The following AGBL1 variants were observed in gnomAD, a reference collection of about 807,000 sequenced individuals.
AGBL1 encodes the protein cytosolic carboxypeptidase 4.
AGBL1 carries 130 observed loss-of-function variants against 118.9 expected under a neutral mutation model. That is an observed-to-expected ratio of 1.09 (90% CI 0.95 to 1.26). The LOEUF (loss-of-function observed/expected upper bound fraction) is 1.26, where lower values mean the gene tolerates loss of function less well. AGBL1 is among the 50% of genes most tolerant of loss of function. The probability of loss-of-function intolerance (pLI) is 0.00; values close to 1 mark genes in which losing one functional copy is unlikely to be tolerated. For missense variants in AGBL1, 1,584 were observed against 1,298.1 expected, an observed-to-expected ratio of 1.22 and a Z score of -3.38; for synonymous variants, 555 against 478.9, an observed-to-expected ratio of 1.16 and a Z score of -2.08.
intron 21 of AGBL1, among the ~76,000 whole-genome samples, chr15:86,560,793 C>T (rs997594013): frequency 2.0e-5 from 3 of 152,212 alleles, no homozygotes; most frequent in South Asian, 4.1e-4. Context: ...ACATCCTCTC[C>T]AGCACCTGTT....
intron 2 of AGBL1, among the ~76,000 whole-genome samples, chr15:86,142,467 A>C (rs2076976881): frequency 6.6e-6 from 1 of 152,206 alleles, no homozygotes; most frequent in Non-Finnish European, 1.5e-5. Context: ...TTTCAGAGAT[A>C]AGATAACAGA....
chr15:86,513,366 G>A (rs1295644965), intron 18 of AGBL1, among the ~76,000 whole-genome samples: 1 of 151,898 alleles, frequency 6.6e-6, no homozygotes, highest in Non-Finnish European at 1.5e-5. Context: ...TTCTGGCAAG[G>A]TTGTCACACA....
chr15:87,025,581 G>A (rs4566127), intron 24 of AGBL1, among the ~76,000 whole-genome samples: 68,907 of 151,568 alleles, frequency 0.45, 17,974 homozygotes, highest in African/African-American at 0.72. Flanking sequence ...TACCAAAAGC[G>A]ATCTACAAAT....
intron 22 of AGBL1, among the ~76,000 whole-genome samples, chr15:86,871,196 A>AGAAAG (rs1419461553): frequency 6.6e-6 from 1 of 152,208 alleles, no homozygotes; most frequent in African/African-American, 2.4e-5. Flanking sequence ...AGATGGGAAC[A>AGAAAG]GAAAGGAAAT....
chr15:86,215,220 TATGC>T (rs200255086), intron 5 of AGBL1, among the ~76,000 whole-genome samples: 2,163 of 99,484 alleles, frequency 0.022, 69 homozygotes, highest in Admixed American at 0.11. Flanking sequence ...AGTGTATATG[TATGC>T]GTGTGTGTGT....
rs567225156 is a variant in AGBL1 at position 86,096,385 on chromosome 15, A to G, written c.51+16362A>G. ...AAGAAGAATAAACACTTTACTGAGA[A>G]TAAACATTTTTCTTTATGTGATACA... is the stretch of plus-strand genomic sequence containing the variant. On this transcript the variant is annotated intron_variant, in intron 1 of 22. Transcript: ENST00000614907. Among the ~76,000 whole-genome samples the G allele has an allele frequency of 9.2e-5, 14 of 152,278 alleles. No homozygotes were observed. In the South Asian group the frequency reaches 2.7e-3, roughly 29 times the overall value.
intron 18 of AGBL1, among the ~76,000 whole-genome samples, chr15:86,457,786 G>A (rs114653816): frequency 2.7e-3 from 414 of 152,224 alleles, no homozygotes; most frequent in African/African-American, 9.3e-3. Flanking sequence ...TAAAGATAAA[G>A]GTTAATAATC....
chr15:86,460,829 G>T (rs1174656989), intron 18 of AGBL1, among the ~76,000 whole-genome samples: 2 of 152,028 alleles, frequency 1.3e-5, no homozygotes, highest in Non-Finnish European at 2.9e-5. Context: ...TCCTTTCCTG[G>T]GTTCCTAGCA....
intron 21 of AGBL1, among the ~76,000 whole-genome samples, chr15:86,588,256 T>G (rs1057362026): frequency 1.3e-5 from 2 of 152,198 alleles, no homozygotes; most frequent in Non-Finnish European, 2.9e-5. Context: ...AATGTGAATG[T>G]GAATAAAGAA....
At chr15:86,530,429 C>G (rs1355563969) in intron 19 of AGBL1, among the ~76,000 whole-genome samples, 1 of 138,036 alleles carries the variant, frequency 7.2e-6, no homozygotes, top group Non-Finnish European at 1.5e-5. Flanking sequence ...TATATATGCA[C>G]CCAATACAGG....
chr15:86,640,081 T>C (rs2085166369), intron 21 of AGBL1, among the ~76,000 whole-genome samples: 1 of 152,204 alleles, frequency 6.6e-6, no homozygotes, highest in Non-Finnish European at 1.5e-5. Flanking sequence ...ATACATGTCA[T>C]AGTTATTATT....
At chr15:86,469,254 A>T (rs1482909738) in intron 18 of AGBL1, among the ~76,000 whole-genome samples, 1 of 152,176 alleles carries the variant, frequency 6.6e-6, no homozygotes, top group African/African-American at 2.4e-5. Flanking sequence ...CAATTCCCTC[A>T]GCCTCTGGTA....
rs1457646834 is a variant in AGBL1 at position 86,460,784 on chromosome 15, G to A, written c.2556-62026G>A. On this transcript the variant is annotated intron_variant, in intron 18 of 22. Coordinates refer to ENST00000614907, the MANE Select transcript of AGBL1 (RefSeq NM_001386094.1). The stretch of plus-strand genomic sequence containing the variant: ...TCTCTGATTTCCTAGTTCCTTTAGT[G>A]CTGGTTCTGTGCCATTGACACTTGA... 2.0e-5 allele frequency among the ~76,000 whole-genome samples: 3 copies of A among 152,286 alleles called. No homozygotes were observed. The South Asian group carries it at 6.2e-4, about 32-fold the overall frequency.
chr15:86,401,234 G>A (rs1009894199), intron 18 of AGBL1, among the ~76,000 whole-genome samples: 6 of 151,960 alleles, frequency 3.9e-5, no homozygotes, highest in African/African-American at 1.2e-4. Flanking sequence ...TTTTTCATAT[G>A]TTTGTTGGCT....
chr15:86,775,164 C>T (rs551799372), intron 22 of AGBL1, among the ~76,000 whole-genome samples: 1 of 152,198 alleles, frequency 6.6e-6, no homozygotes, highest in East Asian at 1.9e-4. Context: ...CAATGTGGAA[C>T]ATGAACAGAA....
At chr15:86,973,946 T>C (rs562584653) in intron 23 of AGBL1, among the ~76,000 whole-genome samples, 46 of 133,012 alleles carry the variant, frequency 3.5e-4, no homozygotes, top group African/African-American at 1.0e-3. Context: ...ACATATTTAA[T>C]ATATTAAATA....
chr15:86,908,530 G>C lies in AGBL1; in HGVS notation c.*1236G>C, dbSNP rs111861340. 1.3e-5 allele frequency: 2 copies of C among 152,110 alleles called. No individual in the cohort carries two copies. Among genetic ancestry groups the C allele is most frequent in the African/African-American group, 4.8e-5 (2 of 41,396 alleles). 9.4% of individuals were successfully genotyped at this position (152,110 alleles called of 1,614,324 possible). A position where few individuals can be genotyped will look rare whatever the true frequency, so the allele number is the denominator to read the frequency against. On this transcript the variant is annotated 3_prime_UTR_variant, in exon 23 of 23. Transcript: ENST00000614907. ...CTCAAACAACAACAACAACAACGACGACAAACCCAGAATCCAGAATTCTCT... is the reference window on the plus strand; with the variant it reads ...CTCAAACAACAACAACAACAACGACCACAAACCCAGAATCCAGAATTCTCT...
chr15:86,984,334 A>G (rs1020361160), intron 23 of AGBL1, among the ~76,000 whole-genome samples: 3 of 148,718 alleles, frequency 2.0e-5, no homozygotes, highest in African/African-American at 7.4e-5. Context: ...CAATTTTTTC[A>G]AAGTAGATTG....
intron 22 of AGBL1, among the ~76,000 whole-genome samples, chr15:86,745,840 C>A (rs1031663544): frequency 1.3e-5 from 2 of 151,978 alleles, no homozygotes; most frequent in Non-Finnish European, 2.9e-5. Flanking sequence ...ACCTGGAGAA[C>A]CCCAGGCACT....
Sources: allele counts gnomAD v4.1 joint callset (sites outside exome capture counted in the v4.1 genomes callset), GRCh38; gene constraint gnomAD v4.1.1; transcripts MANE v1.5; gene names NCBI Gene and HGNC (gene_info 2026-07-23, HGNC 2026-07-21).